TBXAS1: variants seen among roughly 807,000 people sequenced by gnomAD.
The protein encoded by TBXAS1 is thromboxane-A synthase.
TBXAS1 carries 48 observed loss-of-function variants against 60.7 expected under a neutral mutation model. The ratio of observed to expected loss-of-function variants is 0.79; its 90% confidence interval spans 0.63 to 1.01. TBXAS1 has a LOEUF of 1.01. TBXAS1 is among the 50% of genes least tolerant of loss of function. TBXAS1 has a pLI of 0.00. For missense variants in TBXAS1, 685 were observed against 686.3 expected, an observed-to-expected ratio of 1.00 and a Z score of 0.02; for synonymous variants, 287 against 269.7, an observed-to-expected ratio of 1.06 and a Z score of -0.63.
intron 3 of TBXAS1, among the ~76,000 whole-genome samples, chr7:139,905,607 G>A (rs184525272): frequency 7.9e-4 from 120 of 152,258 alleles, no homozygotes; most frequent in Middle Eastern, 3.4e-3. Flanking sequence ...CCTGGTTTTG[G>A]TTTTAGGGTG....
At chr7:139,861,217 A>G (rs1415726739) in intron 1 of TBXAS1, among the ~76,000 whole-genome samples, 2 of 151,596 alleles carry the variant, frequency 1.3e-5, no homozygotes, top group Non-Finnish European at 2.9e-5. Flanking sequence ...AGGATTCTGC[A>G]TTTGATCTAT....
intron 4 of TBXAS1, among the ~76,000 whole-genome samples, chr7:139,822,287 A>C (rs1798320550): frequency 6.6e-6 from 1 of 151,630 alleles, no homozygotes; most frequent in Admixed American, 6.6e-5. Flanking sequence ...CTCTCTGGTT[A>C]TATCTGTTGA....
At chr7:139,987,937 C>T (rs746158135) in intron 9 of TBXAS1, among the ~76,000 whole-genome samples, 18 of 152,196 alleles carry the variant, frequency 1.2e-4, no homozygotes, top group Non-Finnish European at 2.1e-4. Context: ...CACAAAAGAA[C>T]GGAACTCCAC....
intron 4 of TBXAS1, among the ~76,000 whole-genome samples, chr7:139,930,236 G>GTACC (rs1204239611): frequency 6.6e-6 from 1 of 152,142 alleles, no homozygotes; most frequent in Non-Finnish European, 1.5e-5. Context: ...CCATCCCACT[G>GTACC]TACCGTCCAG....
intron 4 of TBXAS1, among the ~76,000 whole-genome samples, chr7:139,814,232 G>T (rs150311262): frequency 3.2e-4 from 49 of 152,324 alleles, no homozygotes; most frequent in African/African-American, 9.9e-4. Context: ...CAATTGGTTT[G>T]TTTTCCACGA....
intron 1 of TBXAS1, among the ~76,000 whole-genome samples, chr7:139,868,462 AATTT>A (rs57162964): frequency 1.1e-4 from 17 of 150,442 alleles, no homozygotes; most frequent in African/African-American, 1.5e-4. Flanking sequence ...GAAACTCCAG[AATTT>A]ATTTATTTAT....
At chr7:139,797,431 T>G (rs1257426417) in intron 4 of TBXAS1, 2 of 152,216 alleles carry the variant, frequency 1.3e-5, no homozygotes, top group African/African-American at 4.8e-5. Context: ...TGGCCCTGCA[T>G]TGATCCTCAC....
intron 5 of TBXAS1, among the ~76,000 whole-genome samples, chr7:139,945,484 G>T (rs1348172956): frequency 1.3e-5 from 2 of 152,038 alleles, no homozygotes. Context: ...ATGTTTCTTG[G>T]GTACCTTCTA....
upstream of TBXAS1, among the ~76,000 whole-genome samples, chr7:139,826,698 G>T (rs772081281): frequency 1.3e-5 from 2 of 152,182 alleles, no homozygotes; most frequent in Non-Finnish European, 2.9e-5. Flanking sequence ...CTAGGTGTGT[G>T]TATGAGGATT....
chr7:139,884,149 A>G (rs1802901375), intron 3 of TBXAS1, among the ~76,000 whole-genome samples: 1 of 152,248 alleles, frequency 6.6e-6, no homozygotes, highest in Non-Finnish European at 1.5e-5. Flanking sequence ...CCCACCGTTC[A>G]CAGCTGAAAC....
Position 140,017,806 on chromosome 7 carries a change from C to A in TBXAS1, c.1500C>A (p.Phe500Leu), listed in dbSNP as rs1569525621. ...KLTLLHVLHK[F>L]RFQACPETQV... ...CACTGCTCCACGTGCTGCACAAGTTCCGGTTCCAAGCCTGCCCTGAGACCC... is the reference window on the plus strand; with the variant it reads ...CACTGCTCCACGTGCTGCACAAGTTACGGTTCCAAGCCTGCCCTGAGACCC... Residue 500 changes from phenylalanine to leucine, a missense_variant, in exon 12 of 13, where the codon TTC becomes TTA. Physicochemically the swap from Phe to Leu is conservative, Grantham distance 22. Coordinates refer to ENST00000448866, the MANE Select transcript of TBXAS1 (RefSeq NM_001061.7). 3.1e-6 allele frequency: 5 copies of A among 1,614,080 alleles called. No homozygotes were observed. In the African/African-American group the frequency reaches 4.0e-5, roughly 13 times the overall value.
At chr7:139,779,478 C>G (rs1229578698) in intron 1 of TBXAS1, among the ~76,000 whole-genome samples, 2 of 152,208 alleles carry the variant, frequency 1.3e-5, no homozygotes. Context: ...TGGGCCAGCC[C>G]TGCCCTTTTA....
chr7:139,790,366 G>A (rs1252404479), intron 4 of TBXAS1, among the ~76,000 whole-genome samples: 4 of 152,196 alleles, frequency 2.6e-5, no homozygotes, highest in African/African-American at 7.2e-5. Flanking sequence ...AACAATCCAA[G>A]TCTGGCTAAT....
intron 12 of TBXAS1, 68 bp from the exon 13 acceptor site, chr7:140,019,957 C>G: frequency 1.3e-6 from 2 of 1,508,166 alleles, no homozygotes; most frequent in Non-Finnish European, 1.8e-6. Flanking sequence ...CTTGAACCTC[C>G]AAGTCTTCAT....
At chr7:139,892,298 A>T (rs1232598025) in intron 3 of TBXAS1, among the ~76,000 whole-genome samples, 1 of 152,148 alleles carries the variant, frequency 6.6e-6, no homozygotes, top group Non-Finnish European at 1.5e-5. Flanking sequence ...TCTTCCCTTT[A>T]AAAAATACTT....
intron 9 of TBXAS1, among the ~76,000 whole-genome samples, chr7:139,972,966 G>T (rs939383079): frequency 6.6e-6 from 1 of 152,092 alleles, no homozygotes; most frequent in Non-Finnish European, 1.5e-5. Flanking sequence ...AGGCACAGTA[G>T]ATAAAGCCTG....
intron 9 of TBXAS1, among the ~76,000 whole-genome samples, chr7:139,964,628 G>A (rs1356806744): frequency 6.6e-6 from 1 of 152,212 alleles, no homozygotes; most frequent in Non-Finnish European, 1.5e-5. Flanking sequence ...TCTAATGAGT[G>A]TCCAGCAGTT....
intron 6 of TBXAS1, among the ~76,000 whole-genome samples, chr7:139,955,009 T>C (rs1369339463): frequency 6.6e-6 from 1 of 152,220 alleles, no homozygotes; most frequent in African/African-American, 2.4e-5. Flanking sequence ...GACAATTTGA[T>C]GTCTATCAGT....
intron 4 of TBXAS1, among the ~76,000 whole-genome samples, chr7:139,926,698 C>T (rs1166841163): frequency 6.6e-6 from 1 of 151,396 alleles, no homozygotes; most frequent in Non-Finnish European, 1.5e-5. Flanking sequence ...TTTTTTAGTT[C>T]TCTAAGATGT....
Sources: allele counts gnomAD v4.1 joint callset (sites outside exome capture counted in the v4.1 genomes callset), GRCh38; gene constraint gnomAD v4.1.1; transcripts MANE v1.5; gene names NCBI Gene and HGNC (gene_info 2026-07-23, HGNC 2026-07-21).